Variants in TECPR1 observed in about 807,000 individuals in gnomAD.
The protein encoded by TECPR1 is tectonin beta-propeller repeat containing 1.
In TECPR1, 122 loss-of-function variants were observed where a neutral mutation model predicts 162.4. That is an observed-to-expected ratio of 0.75 (90% confidence interval 0.65 to 0.87). The LOEUF is 0.87. Ranked by LOEUF, TECPR1 falls within the 40% of genes least tolerant of loss-of-function variation. TECPR1 has a pLI of 0.00. For synonymous variants in TECPR1, 642 were observed against 670.6 expected, an observed-to-expected ratio of 0.96 and a Z score of 0.66; for missense variants, 1,432 against 1,618.2, an observed-to-expected ratio of 0.88 and a Z score of 1.97.
chr7:98,232,850 GTCTGAAGT>G lies in TECPR1; in HGVS notation c.1787_1794del (p.Asn596ThrfsTer68), dbSNP rs1251912992. The stretch of plus-strand genomic sequence containing the variant: ...ACCTGCTCCACGGCCTGCTCGTAGT[GTCTGAAGT>G]TCTCCAGCTCCCGCTTGGTCCTTTC... On this transcript the variant is annotated frameshift_variant, in exon 12 of 26. Coordinates refer to ENST00000447648, the MANE Select transcript of TECPR1 (RefSeq NM_015395.3). LOFTEE classifies it high-confidence loss of function. This position sits in a 1 kb window ranked among gnomAD's most constrained non-coding sequence, Gnocchi z 4.6. The G allele has an allele frequency of 6.2e-7, 1 of 1,610,492 alleles. No homozygotes were observed. Among genetic ancestry groups the G allele is most frequent in the East Asian group, 2.2e-5 (1 of 44,822 alleles).
chr7:98,242,726 T>G (rs1196873485), intron 6 of TECPR1, among the ~76,000 whole-genome samples: 1 of 53,248 alleles, frequency 1.9e-5, no homozygotes. Context: ...CATCCATCCA[T>G]GCACACACCC....
chr7:98,230,101 A>T (rs1172820123), intron 15 of TECPR1, among the ~76,000 whole-genome samples: 2 of 149,800 alleles, frequency 1.3e-5, no homozygotes, highest in African/African-American at 2.5e-5. Flanking sequence ...GGCTCAAGTG[A>T]TCTTCCCACC....
At chr7:98,222,710 C>T (rs913931214) in intron 21 of TECPR1, 189 bp from the exon 22 acceptor site, 2 of 858,632 alleles carry the variant, frequency 2.3e-6, no homozygotes, top group Non-Finnish European at 3.5e-6. Context: ...CATCCTCCTG[C>T]GAGCAGGGAA....
chr7:98,246,931 A>G (rs1437631444), intron 2 of TECPR1, among the ~76,000 whole-genome samples: 2 of 151,700 alleles, frequency 1.3e-5, no homozygotes, highest in Non-Finnish European at 2.9e-5. Context: ...TGAGGCCAGG[A>G]GTTCAAGACC....
chr7:98,222,864 G>A (rs1005878537), intron 21 of TECPR1, 126 bp downstream of exon 21: 17 of 1,288,760 alleles, frequency 1.3e-5, no homozygotes, highest in Non-Finnish European at 1.8e-5. Flanking sequence ...AGGGCACAGG[G>A]ACCCACTCGG....
chr7:98,245,105 G>A (rs1171664052), intron 3 of TECPR1, 38 bp from the exon 4 acceptor site: 1 of 1,552,078 alleles, frequency 6.4e-7, no homozygotes, highest in Non-Finnish European at 8.7e-7. Flanking sequence ...TTGGACCCAA[G>A]CCTGCTGGGC....
intron 16 of TECPR1, 43 bp downstream of exon 16, chr7:98,228,996 G>A (rs990423087): frequency 1.3e-6 from 2 of 1,581,758 alleles, no homozygotes; most frequent in African/African-American, 2.7e-5. Context: ...CTAGAGGAAA[G>A]AACGCCCAGG....
In TECPR1 at chr7:98,221,672, A is replaced by G. The variant is rs1798145226; in HGVS notation, c.3146T>C (p.Leu1049Pro). Residue 1049 changes from leucine (L) to proline (P), a missense_variant, in exon 23 of 26, where the codon CTG becomes CCG. Leu to Pro is a moderately conservative substitution (Grantham distance 98). Coordinates refer to ENST00000447648, the MANE Select transcript of TECPR1 (RefSeq NM_015395.3). ...AAAGAGCAACTTGCCATTCTCATCC[A>G]GGGCATACACCGACGTCTGCCCCGC... Reference protein sequence around the residue: ...VSAGQTSVYALDENGNLWYRQ... With the variant: ...VSAGQTSVYAPDENGNLWYRQ... The G allele has an allele frequency of 6.2e-7, 1 of 1,613,182 alleles. No individual in the cohort carries two copies.
At position 98,233,851 on chromosome 7, in the gene TECPR1, G is replaced by C. The variant is rs902211674; in HGVS notation, c.1242C>G (p.Thr414=). Residue 414 remains threonine, a synonymous_variant, in exon 11 of 26, where the codon ACC becomes ACG. Coordinates refer to ENST00000447648, the MANE Select transcript of TECPR1 (RefSeq NM_015395.3). ...RGSGESAPSD[T]DASSEVERPG... The stretch of plus-strand genomic sequence containing the variant: ...GTCTCTCGACTTCCGAGGAGGCATC[G>C]GTGTCGCTGGGGGCAGACTCGCCAC... 6.4e-7 allele frequency: 1 copy of C among 1,570,382 alleles called. No homozygotes were observed. Among genetic ancestry groups the C allele is most frequent in the South Asian group, 1.2e-5 (1 of 86,232 alleles).
intron 9 of TECPR1, among the ~76,000 whole-genome samples, chr7:98,237,444 T>C (rs1278627145): frequency 6.6e-6 from 1 of 151,724 alleles, no homozygotes; most frequent in Non-Finnish European, 1.5e-5. Context: ...CAGGCTCCCA[T>C]CACCACACCC....
In TECPR1 at chr7:98,238,628, A is replaced by T. The variant is rs1798661431; in HGVS notation, c.934-18T>A. On this transcript the variant is annotated intron_variant, in intron 8 of 25. Coordinates refer to ENST00000447648, the MANE Select transcript of TECPR1 (RefSeq NM_015395.3). ...AACCACACCTGGGGGAGTCAGAAAT[A>T]AACATGCCTTCCTGGAGGGCCACTG... 1 of 1,552,200 alleles carries T rather than the reference A, an allele frequency of 6.4e-7. No homozygotes were observed. The highest frequency in any genetic ancestry group is 8.7e-7 in the Non-Finnish European group (1 of 1,146,020).
rs543382441 is a variant in TECPR1 at position 98,243,375 on chromosome 7, C to T, written c.657+92G>A. On this transcript the variant is annotated intron_variant, in intron 6 of 25. Coordinates refer to ENST00000447648, the MANE Select transcript of TECPR1 (RefSeq NM_015395.3). Reference sequence around the variant, plus strand: ...GCATGGGGTGGGGGGGCCGGGGCTCCGGGGAGGAGCAAGACCCAGGGGGTG... The same window carrying T: ...GCATGGGGTGGGGGGGCCGGGGCTCTGGGGAGGAGCAAGACCCAGGGGGTG... 7.7e-3 allele frequency: 11,682 copies of T among 1,522,620 alleles called. 77 individuals are homozygous for T. The highest frequency in any genetic ancestry group is 0.02 in the South Asian group (1,582 of 80,872). The allele number at this position is 1,522,620 out of a possible 1,614,324, so 94.3% of individuals were successfully genotyped here.
rs748172603 is a variant in TECPR1, at chr7:98,243,585, G to A, written c.539C>T (p.Ser180Leu). 2.7e-5 allele frequency: 43 copies of A among 1,612,008 alleles called. No individual in the cohort carries two copies. The highest frequency in any genetic ancestry group is 4.4e-5 in the South Asian group (4 of 91,080). The change falls in exon 6 of 26, where the codon TCG (serine) becomes TTG (leucine). Residue 180 changes from serine to leucine, a missense_variant. Physicochemically the swap from Ser to Leu is moderately radical, Grantham distance 145. Transcript: ENST00000447648. The part of the protein sequence containing the change: ...KSRDIWAKIP[S>L]KDDPKELPDP... ...GGGCAGCTCCTTGGGGTCATCCTTC[G>A]AGGGGATCTGAAGGAAGGAAGTGAG...
intron 2 of TECPR1, 88 bp from the exon 3 acceptor site, chr7:98,246,253 CTATT>C: frequency 1.4e-6 from 1 of 713,430 alleles, no homozygotes; most frequent in Non-Finnish European, 2.2e-6. Flanking sequence ...TCTACTGTGA[CTATT>C]TATTCTTTTT....
intron 21 of TECPR1, 198 bp from the exon 22 acceptor site, chr7:98,222,719 A>G (rs1392764438): frequency 2.4e-6 from 2 of 830,754 alleles, no homozygotes; most frequent in Non-Finnish European, 3.7e-6. Context: ...GCGAGCAGGG[A>G]AAGCGCCCCC....
chr7:98,221,130 C>T (rs1279901236), intron 23 of TECPR1, among the ~76,000 whole-genome samples: 1 of 151,808 alleles, frequency 6.6e-6, no homozygotes, highest in African/African-American at 2.4e-5. Context: ...GGTGAAACCC[C>T]GCCTCTACTA....
Position 98,246,068 on chromosome 7 carries a change from T to G in TECPR1, c.79A>C (p.Met27Leu), listed in dbSNP as rs2116631188. 6.4e-7 allele frequency: 1 copy of G among 1,570,360 alleles called. No homozygotes were observed. The part of the protein sequence containing the change: ...TLSTAGQYWE[M>L]CKDSQLEFKR... Reference sequence around the variant, plus strand: ...AACTCCAGCTGGGAGTCCTTGCACATTTCCCAGTACTGGCCTGCTGTGGAC... The same window carrying G: ...AACTCCAGCTGGGAGTCCTTGCACAGTTCCCAGTACTGGCCTGCTGTGGAC... Residue 27 changes from methionine (M) to leucine (L), a missense_variant, in exon 3 of 26, where the codon ATG becomes CTG. Coordinates refer to ENST00000447648, the MANE Select transcript of TECPR1 (RefSeq NM_015395.3).
chr7:98,217,962 G>T lies in TECPR1; in HGVS notation c.3238C>A (p.Arg1080=). The T allele has an allele frequency of 1.3e-6, 2 of 1,559,148 alleles. No individual in the cohort carries two copies. The highest frequency in any genetic ancestry group is 2.4e-5 in the East Asian group (1 of 41,586). Residue 1080 remains arginine (R), a synonymous_variant, in exon 24 of 26, where the codon CGA becomes AGA. Transcript: ENST00000447648. The part of the protein sequence containing the change: ...SWEHVSNNVC[R]VSVGPLDQVW... ...TGGTCCAGGGGCCCCACGGACACTC[G>T]GCACACGTTGTTGGACACGTGCTCC...
intron 6 of TECPR1, among the ~76,000 whole-genome samples, chr7:98,242,224 A>G (rs1372359071): frequency 6.6e-6 from 1 of 152,222 alleles, no homozygotes. Context: ...GCTGTGGTCA[A>G]TGCGTGGTGA....
Sources: gnomAD v4.1 joint callset for allele counts (sites outside exome capture counted in the v4.1 genomes callset) on GRCh38, gnomAD v4.1.1 for gene constraint, Gnocchi (gnomAD v3.1) non-coding constraint, MANE v1.5 for transcripts, NCBI Gene and HGNC (gene_info 2026-07-23, HGNC 2026-07-21) for gene names.